YEATS2: variants seen among roughly 807,000 people sequenced by gnomAD.
The protein encoded by YEATS2 is YEATS domain-containing protein 2.
Under a neutral mutation model 163.2 loss-of-function variants are expected in YEATS2, and 77 were observed. That is an observed-to-expected ratio of 0.47 (90% CI 0.39 to 0.57). The LOEUF (loss-of-function observed/expected upper bound fraction) is 0.57. Among genes scored for constraint, YEATS2 ranks in the 20% least tolerant of loss-of-function variants. The pLI is 0.00. For synonymous variants in YEATS2, 631 were observed against 645.1 expected (o/e 0.98, Z 0.33); for missense variants, 1,549 against 1,729.8 (o/e 0.90, Z 1.85).
At chr3:183,789,549 T>G (rs1319231577) in intron 20 of YEATS2, among the ~76,000 whole-genome samples, 1 of 129,916 alleles carries the variant, frequency 7.7e-6, no homozygotes, top group African/African-American at 3.0e-5. Flanking sequence ...TTTTTTTTTT[T>G]TTTTGAGACA....
At chr3:183,744,179 C>T (rs1469089658) in intron 8 of YEATS2, among the ~76,000 whole-genome samples, 2 of 132,608 alleles carry the variant, frequency 1.5e-5, no homozygotes, top group African/African-American at 2.8e-5. Flanking sequence ...GTGGTGCAAT[C>T]TCAGCTCACT....
intron 21 of YEATS2, 33 bp from the exon 22 acceptor site, chr3:183,797,890 T>G (rs751217922): frequency 6.2e-7 from 1 of 1,612,750 alleles, no homozygotes; most frequent in Non-Finnish European, 8.5e-7. Context: ...GCACCTGACC[T>G]TCAACTTGGC....
At chr3:183,787,130 A>T (rs1218509129) in intron 20 of YEATS2, among the ~76,000 whole-genome samples, 1 of 151,744 alleles carries the variant, frequency 6.6e-6, no homozygotes, top group Non-Finnish European at 1.5e-5. Flanking sequence ...AATTTTTTGT[A>T]TTTTAGTAGA....
chr3:183,783,456 T>C (rs1381727830), intron 19 of YEATS2, among the ~76,000 whole-genome samples: 4 of 152,202 alleles, frequency 2.6e-5, no homozygotes, highest in African/African-American at 4.8e-5. Context: ...GTTTGTTACA[T>C]GGGTATATTG....
intron 7 of YEATS2, among the ~76,000 whole-genome samples, chr3:183,732,129 G>A (rs1262255226): frequency 6.6e-6 from 1 of 151,842 alleles, no homozygotes; most frequent in African/African-American, 2.4e-5. Context: ...AGAACTTCTC[G>A]ATGTTTAGGA....
chr3:183,770,639 C>A (rs1373315677), intron 15 of YEATS2, among the ~76,000 whole-genome samples: 1 of 152,176 alleles, frequency 6.6e-6, no homozygotes, highest in Non-Finnish European at 1.5e-5. Context: ...CCAGAGGCAA[C>A]AAGCACTGTC....
chr3:183,797,365 G>A (rs1307794282), intron 21 of YEATS2, among the ~76,000 whole-genome samples: 1 of 150,716 alleles, frequency 6.6e-6, no homozygotes, highest in African/African-American at 2.4e-5. Context: ...GCAACAAAGC[G>A]AGACCCCCAT....
rs149791409 is a variant in YEATS2 at position 183,791,103 on chromosome 3, G to A, written c.3097+123G>A. ...AGCTAGAGTGCAATATCACAATCTC[G>A]ACTCACTGCAACCTCTGCCTTCCAG... On this transcript the variant is annotated intron_variant, in intron 21 of 30. Transcript: ENST00000305135. The A allele has an allele frequency of 8.4e-5, 109 of 1,300,112 alleles. 1 individual carries two copies. In the African/African-American group the frequency reaches 1.3e-3, roughly 16 times the overall value. The allele number at this position is 1,300,112 out of a possible 1,614,324, so 80.5% of individuals were successfully genotyped here.
chr3:183,715,750 C>T (rs1234147403), intron 2 of YEATS2, among the ~76,000 whole-genome samples: 1 of 152,114 alleles, frequency 6.6e-6, no homozygotes, highest in Non-Finnish European at 1.5e-5. Context: ...TGGTAGCTAT[C>T]TTGAAGGCAT....
chr3:183,807,175 C>G (rs1726302177), intron 28 of YEATS2, 83 bp downstream of exon 28: 12 of 1,272,722 alleles, frequency 9.4e-6, no homozygotes, highest in Non-Finnish European at 1.2e-5. Context: ...AGACCCAGAC[C>G]CAGGTGTTCA....
At chr3:183,767,320 G>T (rs569055846) in intron 15 of YEATS2, among the ~76,000 whole-genome samples, 1 of 152,250 alleles carries the variant, frequency 6.6e-6, no homozygotes, top group South Asian at 2.1e-4. Context: ...CTGTCTCCTG[G>T]GCTCAAGCTA....
At chr3:183,808,500 TC>T (rs1177345486) in intron 29 of YEATS2, among the ~76,000 whole-genome samples, 3 of 152,214 alleles carry the variant, frequency 2.0e-5, no homozygotes, top group Admixed American at 6.5e-5. Flanking sequence ...GCTCAGCAGT[TC>T]CTTTCCTCGT....
At chr3:183,786,007 G>T in intron 19 of YEATS2, 118 bp from the exon 20 acceptor site, 1 of 1,205,124 alleles carries the variant, frequency 8.3e-7, no homozygotes, top group Admixed American at 2.4e-5. Context: ...AGGTTGGATT[G>T]GTAAGACTTT....
In YEATS2 at chr3:183,731,060, C is replaced by T. The variant is rs376322091; in HGVS notation, c.812+2209C>T. On this transcript the variant is annotated intron_variant, in intron 7 of 30. Transcript: ENST00000305135. ...CTCAGGCCTGTAATTCCAGCACTTT[C>T]GGAGGCTGAGGCGGGCGGATCACGA... 3.0e-4 allele frequency among the ~76,000 whole-genome samples: 45 copies of T among 151,980 alleles called. 1 individual carries two copies. Among genetic ancestry groups the T allele is most frequent in the Admixed American group, 5.2e-4 (8 of 15,266 alleles).
At chr3:183,734,737 G>A (rs1339150083) in intron 7 of YEATS2, among the ~76,000 whole-genome samples, 1 of 152,178 alleles carries the variant, frequency 6.6e-6, no homozygotes, top group African/African-American at 2.4e-5. Flanking sequence ...TCAGAGTGAT[G>A]CTAAAAGAAT....
chr3:183,757,084 T>A (rs78777132), intron 12 of YEATS2, among the ~76,000 whole-genome samples: 2 of 152,096 alleles, frequency 1.3e-5, no homozygotes, highest in Non-Finnish European at 2.9e-5. Flanking sequence ...AAAAATGATA[T>A]TATTTTCTTC....
intron 1 of YEATS2, among the ~76,000 whole-genome samples, chr3:183,704,855 C>G (rs908397960): frequency 6.6e-6 from 1 of 152,138 alleles, no homozygotes; most frequent in African/African-American, 2.4e-5. Context: ...TTTCAAACTC[C>G]TGTCCTCAAG....
At position 183,767,579 on chromosome 3, in the gene YEATS2, C is replaced by T. The variant is rs940021599; in HGVS notation, c.1948-4726C>T. 2.0e-5 allele frequency among the ~76,000 whole-genome samples: 3 copies of T among 152,248 alleles called. No homozygotes were observed. The East Asian group carries it at 5.8e-4, about 29-fold the overall frequency. On this transcript the variant is annotated intron_variant, in intron 15 of 30. Transcript: ENST00000305135. The stretch of plus-strand genomic sequence containing the variant: ...TGTATTTTTAGTAGAGACAGGGTTT[C>T]ACTATGTTGGCCACACTGGTCTCAA...
intron 22 of YEATS2, among the ~76,000 whole-genome samples, chr3:183,798,601 G>A (rs779775677): frequency 1.3e-4 from 20 of 152,104 alleles, no homozygotes; most frequent in Non-Finnish European, 2.5e-4. Flanking sequence ...TGATCCACCC[G>A]CCTCAGTCCC....
Sources: gnomAD v4.1 joint callset for allele counts (sites outside exome capture counted in the v4.1 genomes callset) on GRCh38, gnomAD v4.1.1 for gene constraint, MANE v1.5 for transcripts, NCBI Gene and HGNC (gene_info 2026-07-23, HGNC 2026-07-21) for gene names.